The following IL1RAPL1 variants were observed in gnomAD, a reference collection of about 807,000 sequenced individuals.
The protein encoded by IL1RAPL1 is interleukin 1 receptor accessory protein like 1.
Under a neutral mutation model 48.4 loss-of-function variants are expected in IL1RAPL1, and 3 were observed. The observed-to-expected ratio is 0.06, with a 90% CI of 0.03 to 0.16. The LOEUF is 0.16. Among genes scored for constraint, IL1RAPL1 ranks in the 10% least tolerant of loss-of-function variants. The pLI, the probability that IL1RAPL1 is intolerant of heterozygous loss-of-function variation, is 1.00. For synonymous variants in IL1RAPL1, 185 were observed against 187.7 expected (o/e 0.99, Z 0.12); for missense variants, 349 against 530.6 (o/e 0.66, Z 3.36).
chrX:29,932,075 A>G (rs944687540), intron 8 of IL1RAPL1, among the ~76,000 whole-genome samples: 1 of 112,439 alleles, frequency 8.9e-6, no homozygotes, highest in Non-Finnish European at 1.9e-5. Context: ...TTATTATAAC[A>G]GTATCTTCCT....
rs144621225 is a variant in IL1RAPL1, at chrX:28,776,032, G to T, written c.-24-13288G>T. ...TCCCTGGCAAGAATGTAAGCTTGAT[G>T]AAGATAGGATATGGGTCTGTCCTGT... On this transcript the variant is annotated intron_variant, in intron 1 of 10. Transcript: ENST00000378993. 1.2e-4 allele frequency among the ~76,000 whole-genome samples: 14 copies of T among 112,096 alleles called. No individual in the cohort carries two copies. In the East Asian group the frequency reaches 3.6e-3, roughly 29 times the overall value.
In IL1RAPL1 at chrX:29,364,403, A is replaced by G. The variant is rs752134064; in HGVS notation, c.363-31855A>G. On this transcript the variant is annotated intron_variant, in intron 3 of 10. Coordinates refer to ENST00000378993, the MANE Select transcript of IL1RAPL1 (RefSeq NM_014271.4). ...GTGAAACCCCATCTCTACTAAAAATACAAAAGACAATTAGCCAGGCATGGT... is the reference window on the plus strand; with the variant it reads ...GTGAAACCCCATCTCTACTAAAAATGCAAAAGACAATTAGCCAGGCATGGT... 5.5e-5 allele frequency among the ~76,000 whole-genome samples: 6 copies of G among 108,296 alleles called. No homozygotes were observed. The South Asian group carries it at 2.5e-3, about 45-fold the overall frequency. 94.0% of individuals were successfully genotyped at this position (108,296 alleles called of 115,157 possible). A position where few individuals can be genotyped will look rare whatever the true frequency, so the allele number is the denominator to read the frequency against.
chrX:29,124,783 C>T (rs1204944481), intron 2 of IL1RAPL1, among the ~76,000 whole-genome samples: 2 of 111,738 alleles, frequency 1.8e-5, no homozygotes, highest in East Asian at 5.6e-4. Flanking sequence ...TAAAACAGAA[C>T]TTACAGTGAC....
chrX:28,628,305 G>T (rs375767175), intron 1 of IL1RAPL1, among the ~76,000 whole-genome samples: 1 of 112,056 alleles, frequency 8.9e-6, no homozygotes, highest in East Asian at 2.8e-4. Flanking sequence ...TAAGGGCAGG[G>T]GAAATGGACT....
intron 5 of IL1RAPL1, among the ~76,000 whole-genome samples, chrX:29,645,510 A>G (rs775350916): frequency 7.5e-5 from 8 of 107,151 alleles, no homozygotes; most frequent in African/African-American, 2.9e-4. Flanking sequence ...AGCATCAGTC[A>G]GAATTCCATG....
At chrX:29,568,653 A>T (rs181781296) in intron 5 of IL1RAPL1, among the ~76,000 whole-genome samples, 61 of 111,345 alleles carry the variant, frequency 5.5e-4, no homozygotes, top group African/African-American at 1.9e-3. Flanking sequence ...TTGAATCAGG[A>T]ATTATATAAA....
intron 5 of IL1RAPL1, among the ~76,000 whole-genome samples, chrX:29,616,988 C>G (rs1924309190): frequency 9.0e-6 from 1 of 111,372 alleles, no homozygotes; most frequent in Admixed American, 9.6e-5. Context: ...CTGTATTCTC[C>G]TAATACAACA....
intron 2 of IL1RAPL1, among the ~76,000 whole-genome samples, chrX:28,938,821 A>C (rs1924085901): frequency 9.0e-6 from 1 of 110,991 alleles, no homozygotes. Flanking sequence ...GAACTTAAAA[A>C]AATTTGAAGC....
intron 9 of IL1RAPL1, among the ~76,000 whole-genome samples, chrX:29,953,579 TA>T (rs1240389711): frequency 8.9e-6 from 1 of 111,865 alleles, no homozygotes; most frequent in African/African-American, 3.2e-5. Context: ...ACAAACTGAT[TA>T]GCATGATGAA....
At chrX:28,688,673 A>T (rs1350818130) in intron 1 of IL1RAPL1, among the ~76,000 whole-genome samples, 1 of 111,960 alleles carries the variant, frequency 8.9e-6, no homozygotes, top group Non-Finnish European at 1.9e-5. Flanking sequence ...AACTTTATCA[A>T]TACTTTAATC....
At chrX:28,773,343 C>T (rs1222222523) in intron 1 of IL1RAPL1, among the ~76,000 whole-genome samples, 1 of 111,653 alleles carries the variant, frequency 9.0e-6, no homozygotes, top group Non-Finnish European at 1.9e-5. Flanking sequence ...TACCAAAACA[C>T]TTGGATTACA....
intron 5 of IL1RAPL1, among the ~76,000 whole-genome samples, chrX:29,537,626 TA>T (rs149419868): frequency 0.057 from 4,748 of 83,391 alleles, 289 homozygotes; most frequent in African/African-American, 0.18. Flanking sequence ...GAATATTTGG[TA>T]AAAAAAAAAA....
rs374985223 is a variant in IL1RAPL1 at position 29,378,698 on chromosome X, C to T, written c.363-17560C>T. Among the ~76,000 whole-genome samples the T allele has an allele frequency of 1.2e-4, 14 of 112,251 alleles. No homozygotes were observed. In the South Asian group the frequency reaches 2.2e-3, roughly 18 times the overall value. On this transcript the variant is annotated intron_variant, in intron 3 of 10. Coordinates refer to ENST00000378993, the MANE Select transcript of IL1RAPL1 (RefSeq NM_014271.4). Reference sequence around the variant, plus strand: ...TCCTGTAGATGGTACATAGGAATAACGGTCAGTAGATAGGCTCTTACTCAG... The same window carrying T: ...TCCTGTAGATGGTACATAGGAATAATGGTCAGTAGATAGGCTCTTACTCAG...
chrX:29,123,510 A>C (rs1928840214), intron 2 of IL1RAPL1, among the ~76,000 whole-genome samples: 1 of 112,346 alleles, frequency 8.9e-6, no homozygotes, highest in South Asian at 3.6e-4. Flanking sequence ...CATTATGACG[A>C]AATCTGTAGT....
chrX:28,624,949 A>G (rs924764530), intron 1 of IL1RAPL1, among the ~76,000 whole-genome samples: 2 of 111,932 alleles, frequency 1.8e-5, no homozygotes, highest in South Asian at 3.7e-4. Flanking sequence ...CACCTTCTCC[A>G]TGGAGCTTTG....
intron 5 of IL1RAPL1, among the ~76,000 whole-genome samples, chrX:29,651,687 G>T (rs1372821651): frequency 1.8e-5 from 2 of 111,347 alleles, no homozygotes; most frequent in Non-Finnish European, 3.8e-5. Flanking sequence ...GAAGGAATAG[G>T]TTCAAGTGAT....
chrX:29,829,434 T>C (rs1181621161), intron 6 of IL1RAPL1, among the ~76,000 whole-genome samples: 1 of 105,534 alleles, frequency 9.5e-6, no homozygotes, highest in East Asian at 3.0e-4. Flanking sequence ...CTAAAGATGT[T>C]ACATGAATGA....
chrX:29,946,010 T>G (rs1248571614), intron 9 of IL1RAPL1, among the ~76,000 whole-genome samples: 2 of 111,138 alleles, frequency 1.8e-5, no homozygotes, highest in Non-Finnish European at 3.8e-5. Flanking sequence ...CCTCAGTTCC[T>G]GGTATCACCT....
chrX:28,751,286 A>C (rs988216222), intron 1 of IL1RAPL1, among the ~76,000 whole-genome samples: 1 of 111,390 alleles, frequency 9.0e-6, no homozygotes, highest in African/African-American at 3.3e-5. Flanking sequence ...TCTTCCATAA[A>C]AGTCTTCTTT....
Sources: allele counts gnomAD v4.1 joint callset (sites outside exome capture counted in the v4.1 genomes callset), GRCh38; gene constraint gnomAD v4.1.1; transcripts MANE v1.5; gene names NCBI Gene and HGNC (gene_info 2026-07-23, HGNC 2026-07-21).